Variants in C3orf52 observed in about 807,000 individuals in gnomAD.
The protein encoded by C3orf52 is TPA-induced transmembrane protein.
C3orf52 carries 22 observed loss-of-function variants against 24.8 expected under a neutral mutation model. The observed-to-expected ratio is 0.89, with a 90% CI of 0.63 to 1.27. C3orf52 has a LOEUF of 1.27. Among genes scored for constraint, C3orf52 ranks in the 50% most tolerant of loss-of-function variants. C3orf52 has a pLI of 0.00. For synonymous variants in C3orf52, 93 were observed against 100.2 expected (o/e 0.93, Z 0.43); for missense variants, 265 against 260.7 (o/e 1.02, Z -0.11).
downstream of C3orf52, chr3:112,130,749 A>G (rs766158521): frequency 3.5e-5 from 19 of 544,350 alleles, no homozygotes; most frequent in Admixed American, 1.8e-4. Context: ...ACCTCCATGA[A>G]CAAGTGATCC....
At chr3:112,127,554 T>C (rs1455780464) in intron 4 of C3orf52, among the ~76,000 whole-genome samples, 1 of 152,230 alleles carries the variant, frequency 6.6e-6, no homozygotes, top group Admixed American at 6.5e-5. Context: ...GGTAACCCTA[T>C]GTCCTGGTTT....
chr3:112,110,239 A>G (rs978303860), intron 4 of C3orf52, among the ~76,000 whole-genome samples: 6 of 152,140 alleles, frequency 3.9e-5, no homozygotes, highest in Non-Finnish European at 4.4e-5. Context: ...CTGAGGCAGG[A>G]GAATCTCTTG....
chr3:112,099,585 G>A (rs560778329), intron 2 of C3orf52, among the ~76,000 whole-genome samples: 1 of 152,198 alleles, frequency 6.6e-6, no homozygotes, highest in African/African-American at 2.4e-5. Context: ...TTTTCTCTAA[G>A]CCTCAGTGTC....
chr3:112,109,707 G>A (rs1269609976), intron 4 of C3orf52, 94 bp downstream of exon 4: 1 of 754,480 alleles, frequency 1.3e-6, no homozygotes, highest in African/African-American at 1.7e-5. Flanking sequence ...GATTCCCAGA[G>A]CCTCAGAGCA....
At chr3:112,112,277 G>A (rs1576148316) in intron 4 of C3orf52, 1 of 152,420 alleles carries the variant, frequency 6.6e-6, no homozygotes, top group East Asian at 1.9e-4. Flanking sequence ...CTAGGAAGAT[G>A]AAAATTCCCT....
chr3:112,111,100 T>C (rs1018517541), intron 4 of C3orf52, among the ~76,000 whole-genome samples: 13 of 152,118 alleles, frequency 8.5e-5, no homozygotes, highest in Non-Finnish European at 1.8e-4. Flanking sequence ...ACCCAGCTAC[T>C]TGGGAGGCTG....
At chr3:112,101,519 G>A (rs552230231) in intron 2 of C3orf52, among the ~76,000 whole-genome samples, 2 of 152,260 alleles carry the variant, frequency 1.3e-5, no homozygotes, top group South Asian at 4.1e-4. Flanking sequence ...AAACAGTTGA[G>A]GCACAGTGAG....
At chr3:112,133,261 T>C (rs2074502356), downstream of C3orf52, 1 of 845,298 alleles carries the variant, frequency 1.2e-6, no homozygotes, top group African/African-American at 1.7e-5. Flanking sequence ...AGGAGAAGGG[T>C]GTCTCTGCAG....
At chr3:112,101,059 C>CT (rs528921292) in intron 2 of C3orf52, among the ~76,000 whole-genome samples, 4 of 151,500 alleles carry the variant, frequency 2.6e-5, no homozygotes, top group Middle Eastern at 3.2e-3. Context: ...GAAGGCGTAA[C>CT]TTTTTTTTTA....
downstream of C3orf52, chr3:112,119,590 A>G: frequency 5.7e-6 from 4 of 698,514 alleles, no homozygotes; most frequent in Non-Finnish European, 5.2e-6. Context: ...TGTCTTTTAC[A>G]TGTGAATTCT....
At chr3:112,128,074 A>G in intron 4 of C3orf52, 8 of 1,612,240 alleles carry the variant, frequency 5.0e-6, no homozygotes, top group South Asian at 1.1e-5. Flanking sequence ...AAAATACCCA[A>G]GAGAGATGGC....
At position 112,113,112 on chromosome 3, in the gene C3orf52, CTG is replaced by C; in HGVS notation, c.617_618del (p.Leu206ArgfsTer3). The C allele has an allele frequency of 6.2e-7, 1 of 1,610,540 alleles. No homozygotes were observed. The highest frequency in any genetic ancestry group is 1.1e-5 in the South Asian group (1 of 89,870). ...TCAGAATATACCTGGTTGTGAGAGT[CTG>C]GGGCTTGATCCAACATCCCTCTTGC... is the stretch of plus-strand genomic sequence containing the variant. Reference protein sequence around the residue: ...RDQNIPGCESLGLDPTSLLLY... With the variant: ...RDQNIPGCESXGLDPTSLLLY... On this transcript the variant is annotated frameshift_variant, in exon 5 of 6. Transcript: ENST00000264848. LOFTEE classifies it high-confidence loss of function.
At position 112,113,035 on chromosome 3, in the gene C3orf52, A is replaced by G. The variant is rs1372730864; in HGVS notation, c.539A>G (p.Tyr180Cys). ...TCAGATGATGAAAATTTTATGAAGT[A>G]TATGATGAGTGAGGAGTTGGTGCTG... ...VPSDDENFMK[Y>C]MMSEELVLGI... The change falls in exon 5 of 6, where the codon TAT (tyrosine) becomes TGT (cysteine). Residue 180 changes from tyrosine to cysteine, a missense_variant. Physicochemically the swap from Tyr to Cys is radical, Grantham distance 194. Transcript: ENST00000264848. 3.1e-6 allele frequency: 5 copies of G among 1,608,806 alleles called. No individual in the cohort carries two copies. The Admixed American group carries it at 6.7e-5, about 22-fold the overall frequency.
rs568600555 is a variant in C3orf52 at position 112,115,451 on chromosome 3, G to A, written c.650-1191G>A. ...GTGGGCTTGGGGGATTACCATCCCCGCCCTGTGATTACCCAGGCAACTAGT... is the reference window on the plus strand; with the variant it reads ...GTGGGCTTGGGGGATTACCATCCCCACCCTGTGATTACCCAGGCAACTAGT... On this transcript the variant is annotated intron_variant, in intron 5 of 5. Coordinates refer to ENST00000264848, the MANE Select transcript of C3orf52 (RefSeq NM_024616.3). 3.9e-5 allele frequency among the ~76,000 whole-genome samples: 6 copies of A among 152,208 alleles called. No homozygotes were observed. The South Asian group carries it at 1.2e-3, about 32-fold the overall frequency.
intron 3 of C3orf52, 94 bp from the exon 4 acceptor site, chr3:112,109,449 C>A (rs2107786617): frequency 3.2e-6 from 2 of 620,422 alleles, no homozygotes; most frequent in East Asian, 3.1e-5. Flanking sequence ...GGAGTGGAAT[C>A]TCCTCTGCCT....
chr3:112,110,610 C>T (rs572673988), intron 4 of C3orf52, among the ~76,000 whole-genome samples: 85 of 152,264 alleles, frequency 5.6e-4, no homozygotes, highest in Non-Finnish European at 1.0e-3. Flanking sequence ...ATGTAGGCAT[C>T]AGGGTGTATG....
downstream of C3orf52, among the ~76,000 whole-genome samples, chr3:112,132,145 G>A (rs1221577246): frequency 2.0e-5 from 3 of 152,248 alleles, no homozygotes; most frequent in African/African-American, 7.2e-5. Flanking sequence ...TTGACAAGGG[G>A]CTGTGACAAC....
At chr3:112,135,432 A>G (rs1399162442), downstream of C3orf52, 1 of 152,674 alleles carries the variant, frequency 6.5e-6, no homozygotes, top group Non-Finnish European at 1.5e-5. Context: ...GAGTGGGCTT[A>G]GAAGAAACAA....
At position 112,086,485 on chromosome 3, in the gene C3orf52, G is replaced by A. The variant is rs1404270080; in HGVS notation, c.78G>A (p.Thr26=). ...SVLERQPEEN[T]PLNGADKVFP... is the part of the protein sequence containing the mutation. ...TCGAGCGGCAGCCAGAAGAGAACACGCCTCTCAATGGTGCCGACAAGGTCT... is the reference window on the plus strand; with the variant it reads ...TCGAGCGGCAGCCAGAAGAGAACACACCTCTCAATGGTGCCGACAAGGTCT... The change falls in exon 1 of 6, where the codon ACG becomes ACA. Residue 26 remains threonine, a synonymous_variant. Coordinates refer to ENST00000264848, the MANE Select transcript of C3orf52 (RefSeq NM_024616.3). The A allele has an allele frequency of 1.9e-6, 3 of 1,551,536 alleles. No homozygotes were observed. The highest frequency in any genetic ancestry group is 1.4e-5 in the African/African-American group (1 of 73,178).
Sources: gnomAD v4.1 joint callset for allele counts (sites outside exome capture counted in the v4.1 genomes callset) on GRCh38, gnomAD v4.1.1 for gene constraint, MANE v1.5 for transcripts, NCBI Gene and HGNC (gene_info 2026-07-23, HGNC 2026-07-21) for gene names.